Variants in MAP1A observed in about 807,000 individuals in gnomAD.
MAP1A encodes microtubule-associated protein 1A.
Under a neutral mutation model 185.9 loss-of-function variants are expected in MAP1A, and 42 were observed. That is an observed-to-expected ratio of 0.23 (90% CI 0.18 to 0.29). MAP1A has a LOEUF of 0.29. Among genes scored for constraint, MAP1A ranks in the 10% least tolerant of loss-of-function variants. MAP1A has a pLI of 1.00. For synonymous variants in MAP1A, 1,229 were observed against 1,335.9 expected, an observed-to-expected ratio of 0.92 and a Z score of 1.74; for missense variants, 2,995 against 3,450.4, an observed-to-expected ratio of 0.87 and a Z score of 3.31.
Position 43,529,046 on chromosome 15 carries a change from A to G in MAP1A, c.7573A>G (p.Ile2525Val). 6.2e-7 allele frequency: 1 copy of G among 1,613,870 alleles called. No individual in the cohort carries two copies. The highest frequency in any genetic ancestry group is 1.1e-5 in the South Asian group (1 of 91,088). ...GCCAGAAACTGAGGAGTGTCCGTCC[A>G]TCACAGCTGAGGCAGCCCTCGACTC... ...VPPETEECPSITAEAALDSDE... is the reference protein window; with the variant it reads ...VPPETEECPSVTAEAALDSDE... Residue 2525 changes from isoleucine to valine, a missense_variant, in exon 4 of 6, where the codon ATC (isoleucine) becomes GTC (valine). Ile to Val is a conservative substitution (Grantham distance 29). Transcript: ENST00000300231. This position sits in a 1 kb window ranked among gnomAD's most constrained non-coding sequence, Gnocchi z 4.3.
At position 43,520,593 on chromosome 15, in the gene MAP1A, C is replaced by T. The variant is rs1389908058; in HGVS notation, c.-374-48C>T. The T allele has an allele frequency of 2.3e-5, 28 of 1,235,862 alleles. No homozygotes were observed. The East Asian group carries it at 6.3e-4, about 28-fold the overall frequency. The allele number at this position is 1,235,862 out of a possible 1,614,324, so 76.6% of individuals were successfully genotyped here. On this transcript the variant is annotated intron_variant, in intron 1 of 5. Transcript: ENST00000300231. ...GCACATTCTTTCCTCTCCTGCACCA[C>T]AATTTCTATACCTATTCTCAATATA...
intron 1 of MAP1A, among the ~76,000 whole-genome samples, chr15:43,518,712 C>T (rs185206809): frequency 3.0e-5 from 4 of 132,832 alleles, no homozygotes; most frequent in Non-Finnish European, 6.3e-5. Context: ...CAGCCCACCC[C>T]CCCCCGCAAC....
In MAP1A at chr15:43,527,585, C is replaced by T. The variant is rs368900013; in HGVS notation, c.6112C>T (p.Leu2038=). 258 of 1,614,032 alleles carry T rather than the reference C, an allele frequency of 1.6e-4. No individual in the cohort carries two copies. The highest frequency in any genetic ancestry group is 2.1e-4 in the Non-Finnish European group (245 of 1,180,034). Residue 2038 remains leucine (L), a synonymous_variant, in exon 4 of 6, where the codon CTG becomes TTG. Coordinates refer to ENST00000300231, the MANE Select transcript of MAP1A (RefSeq NM_002373.6). ...CACTCCAACCTTCAGCTATGCAGCC[C>T]TGGCAGGACCCACTGTACCCCCAAG... The part of the protein sequence containing the change: ...SDTPTFSYAA[L]AGPTVPPRPE...
Position 43,520,982 on chromosome 15 carries a change from T to A in MAP1A, c.-281T>A, listed in dbSNP as rs1430200727. On this transcript the variant is annotated 5_prime_UTR_variant, in exon 3 of 6. Coordinates refer to ENST00000300231, the MANE Select transcript of MAP1A (RefSeq NM_002373.6). ...CTTCTTCCATTCCAGGTTCATCATCTTCTTAGCAGCTCATCAGCTTATAAA... is the reference window on the plus strand; with the variant it reads ...CTTCTTCCATTCCAGGTTCATCATCATCTTAGCAGCTCATCAGCTTATAAA... 3 of 1,550,072 alleles carry A rather than the reference T, an allele frequency of 1.9e-6. No individual in the cohort carries two copies. The highest frequency in any genetic ancestry group is 2.4e-5 in the East Asian group (1 of 40,940).
Position 43,529,617 on chromosome 15 carries a change from T to C in MAP1A, c.8036-33T>C. 6.2e-7 allele frequency: 1 copy of C among 1,611,650 alleles called. No homozygotes were observed. Among genetic ancestry groups the C allele is most frequent in the East Asian group, 2.2e-5 (1 of 44,854 alleles). On this transcript the variant is annotated intron_variant, in intron 4 of 5. Transcript: ENST00000300231. This position sits in a 1 kb window ranked among gnomAD's most constrained non-coding sequence, Gnocchi z 4.3. ...AAGGTTGCCAAAAGGGTTCTACTTT[T>C]CCTCTACAATGAATCCTGGCTTGTC...
intron 1 of MAP1A, among the ~76,000 whole-genome samples, chr15:43,519,483 A>G (rs2079311498): frequency 6.6e-6 from 1 of 152,158 alleles, no homozygotes; most frequent in South Asian, 2.1e-4. Flanking sequence ...GGTCTAAGGG[A>G]CAAATTATGG....
In MAP1A at chr15:43,524,552, G is replaced by C. The variant is rs188722840; in HGVS notation, c.3079G>C (p.Ala1027Pro). ...GTCTGAGCCCCAAGACTTTCAGGAG[G>C]CAGACTCCTGGGGAGACACTAAGCG... is the stretch of plus-strand genomic sequence containing the variant. ...EKSEPQDFQE[A>P]DSWGDTKRTP... is the part of the protein sequence containing the mutation. Residue 1027 changes from alanine to proline, a missense_variant, in exon 4 of 6, where the codon GCA (alanine) becomes CCA (proline). Ala to Pro is a conservative substitution (Grantham distance 27). Coordinates refer to ENST00000300231, the MANE Select transcript of MAP1A (RefSeq NM_002373.6). 2 of 1,614,028 alleles carry C rather than the reference G, an allele frequency of 1.2e-6. No homozygotes were observed. Among genetic ancestry groups the C allele is most frequent in the Non-Finnish European group, 1.7e-6 (2 of 1,180,024 alleles).
intron 1 of MAP1A, among the ~76,000 whole-genome samples, chr15:43,518,060 AG>A (rs1274425667): frequency 6.6e-6 from 1 of 152,126 alleles, no homozygotes; most frequent in African/African-American, 2.4e-5. Context: ...TCTGAGAGAA[AG>A]GGGGATGTTA....
Position 43,521,968 on chromosome 15 carries a change from C to T in MAP1A, c.495C>T (p.His165=), listed in dbSNP as rs373136068. 4.3e-6 allele frequency: 7 copies of T among 1,614,184 alleles called. No homozygotes were observed. Among genetic ancestry groups the T allele is most frequent in the Non-Finnish European group, 5.9e-6 (7 of 1,180,024 alleles). ...AGGAGGCCTGCCTCACTCTGCAGCA[C>T]TTAAACCGCCTGGGCATCCAGGCTG... ...SIEEACLTLQ[H]LNRLGIQAEP... is the part of the protein sequence containing the mutation. The change falls in exon 4 of 6, where the codon CAC becomes CAT. Residue 165 remains histidine, a synonymous_variant. Transcript: ENST00000300231. The surrounding 1 kb of genome is among the most constrained non-coding windows in gnomAD (Gnocchi z 4.6).
chr15:43,510,960 T>C, exon 1 of MAP1A: 1 of 1,473,850 alleles, frequency 6.8e-7, no homozygotes, highest in Admixed American at 2.1e-5. Context: ...CAGCGGAAGC[T>C]GCCGGACTAA....
intron 1 of MAP1A, among the ~76,000 whole-genome samples, chr15:43,519,350 C>T (rs748631946): frequency 6.6e-6 from 1 of 152,226 alleles, no homozygotes; most frequent in Non-Finnish European, 1.5e-5. Flanking sequence ...GCTGCATCTG[C>T]AGCCCTGTGC....
At chr15:43,512,565 A>G (rs866409853) in intron 2 of MAP1A, among the ~76,000 whole-genome samples, 27 of 151,528 alleles carry the variant, frequency 1.8e-4, no homozygotes, top group South Asian at 6.2e-4. Flanking sequence ...GAAATGAGGG[A>G]CTCCTCTTAG....
rs2079315909 is a variant in MAP1A at position 43,520,735 on chromosome 15, G to T, written c.-292+12G>T. On this transcript the variant is annotated intron_variant, in intron 2 of 5. Transcript: ENST00000300231. ...GCATCAGCTCTGAGGTAAGGCCAGG[G>T]CCTGTGCCTTGCCAAACAGGCCTGG... is the stretch of plus-strand genomic sequence containing the variant. 6.5e-7 allele frequency: 1 copy of T among 1,541,616 alleles called. No individual in the cohort carries two copies.
Position 43,527,995 on chromosome 15 carries a change from G to A in MAP1A, c.6522G>A (p.Gln2174=). The A allele has an allele frequency of 6.2e-7, 1 of 1,613,940 alleles. No homozygotes were observed. Residue 2174 remains glutamine (Q), a synonymous_variant, in exon 4 of 6, where the codon CAG becomes CAA. Coordinates refer to ENST00000300231, the MANE Select transcript of MAP1A (RefSeq NM_002373.6). ...CAGCCTTTGGCTTCTCCTCATTGCA[G>A]CCAGCTCCCCCACAGCTGCCCTCTC... ...PASAFGFSSL[Q]PAPPQLPSPA...
At position 43,527,913 on chromosome 15, in the gene MAP1A, G is replaced by A. The variant is rs2079352926; in HGVS notation, c.6440G>A (p.Ser2147Asn). 6.2e-7 allele frequency: 1 copy of A among 1,614,128 alleles called. No individual in the cohort carries two copies. Among genetic ancestry groups the A allele is most frequent in the Non-Finnish European group, 8.5e-7 (1 of 1,180,008 alleles). The change falls in exon 4 of 6, where the codon AGC becomes AAC. Residue 2147 changes from serine to asparagine, a missense_variant. Ser to Asn is a conservative substitution (Grantham distance 46). Around this residue, in one of 3 missense-constraint regions of MAP1A, gnomAD observed 2,728 missense variants for 2,986.0 expected, o/e 0.91. Transcript: ENST00000300231. ...TLWPETEAHV[S>N]PPLDSHLGPA... is the part of the protein sequence containing the mutation. The stretch of plus-strand genomic sequence containing the variant: ...TGGCCAGAAACTGAGGCACATGTTA[G>A]CCCTCCCTTGGACTCACACCTGGGG...
chr15:43,521,333 T>C lies in MAP1A; in HGVS notation c.-141T>C. The C allele has an allele frequency of 1.2e-6, 2 of 1,609,318 alleles. No individual in the cohort carries two copies. The highest frequency in any genetic ancestry group is 2.2e-5 in the East Asian group (1 of 44,804). On this transcript the variant is annotated 5_prime_UTR_variant, in exon 4 of 6. Coordinates refer to ENST00000300231, the MANE Select transcript of MAP1A (RefSeq NM_002373.6). This position sits in a 1 kb window ranked among gnomAD's most constrained non-coding sequence, Gnocchi z 4.6. ...TCTCCTATTCTTCTAGATTTCCCAA[T>C]TGCTCAGCAATAGAGACCCTGGGAT...
rs766747640 is a variant in MAP1A, at chr15:43,524,992, C to A, written c.3519C>A (p.Pro1173=). 1.2e-6 allele frequency: 2 copies of A among 1,614,180 alleles called. No individual in the cohort carries two copies. The highest frequency in any genetic ancestry group is 4.5e-5 in the East Asian group (2 of 44,884). Residue 1173 remains proline, a synonymous_variant, in exon 4 of 6, where the codon CCC becomes CCA. Coordinates refer to ENST00000300231, the MANE Select transcript of MAP1A (RefSeq NM_002373.6). Reference sequence around the variant, plus strand: ...ACCAAGAGCCTACCCCCAAGTCTCCCTGTGGCCTGACAGAACAGTACCTAC... The same window carrying A: ...ACCAAGAGCCTACCCCCAAGTCTCCATGTGGCCTGACAGAACAGTACCTAC... ...TANQEPTPKS[P]CGLTEQYLHK...
chr15:43,524,750 G>A lies in MAP1A; in HGVS notation c.3277G>A (p.Ala1093Thr), dbSNP rs753164743. ...AGGCTGTACCATTCAACTGTTGCCA[G>A]CACAGGATAAAGCAATAGTCTTTGA... ...LTGCTIQLLP[A>T]QDKAIVFEIM... Residue 1093 changes from alanine (A) to threonine (T), a missense_variant, in exon 4 of 6, where the codon GCA (alanine) becomes ACA (threonine). This residue lies in a region of MAP1A where 2,728 missense variants were observed against 2,986.0 expected (regional missense o/e 0.91). Transcript: ENST00000300231. The A allele has an allele frequency of 6.2e-7, 1 of 1,614,136 alleles. No individual in the cohort carries two copies. The highest frequency in any genetic ancestry group is 8.5e-7 in the Non-Finnish European group (1 of 1,180,002).
chr15:43,524,950 C>T lies in MAP1A; in HGVS notation c.3477C>T (p.Pro1159=), dbSNP rs1170239839. ...AATCCCTCTCTGTCCTCAGCGTGCC[C>T]TCCCCAGACACTGCCAACCAAGAGC... The part of the protein sequence containing the change: ...DAESLSVLSV[P]SPDTANQEPT... The change falls in exon 4 of 6, where the codon CCC becomes CCT. Residue 1159 remains proline (P), a synonymous_variant. Coordinates refer to ENST00000300231, the MANE Select transcript of MAP1A (RefSeq NM_002373.6). 1.2e-6 allele frequency: 2 copies of T among 1,614,144 alleles called. No homozygotes were observed. Among genetic ancestry groups the T allele is most frequent in the Non-Finnish European group, 1.7e-6 (2 of 1,180,020 alleles).
Sources: gnomAD v4.1 joint callset for allele counts (sites outside exome capture counted in the v4.1 genomes callset) on GRCh38, gnomAD v4.1.1 for gene constraint, gnomAD v4.1.1 regional missense constraint, Gnocchi (gnomAD v3.1) non-coding constraint, MANE v1.5 for transcripts, NCBI Gene and HGNC (gene_info 2026-07-23, HGNC 2026-07-21) for gene names.